Variants in FGF14 observed in about 807,000 individuals in gnomAD.
FGF14 encodes fibroblast growth factor homologous factor 4.
In FGF14, 5 loss-of-function variants were observed where a neutral mutation model predicts 25.5. The ratio of observed to expected loss-of-function variants is 0.20; its 90% CI spans 0.10 to 0.41. FGF14 has a LOEUF of 0.41. Among genes scored for constraint, FGF14 ranks in the 10% least tolerant of loss-of-function variants. The pLI, the probability that FGF14 is intolerant of heterozygous loss-of-function variation, is 1.00. For missense variants in FGF14, 222 were observed against 320.1 expected (o/e 0.69, Z 2.34); for synonymous variants, 138 against 118.3 (o/e 1.17, Z -1.08).
At chr13:101,992,577 A>G (rs1303585949) in intron 1 of FGF14, among the ~76,000 whole-genome samples, 1 of 152,174 alleles carries the variant, frequency 6.6e-6, no homozygotes, top group Admixed American at 6.6e-5. Flanking sequence ...TCGAATGAAA[A>G]AAAGTGAACA....
intron 3 of FGF14, among the ~76,000 whole-genome samples, chr13:101,789,228 A>G (rs1028316465): frequency 6.6e-6 from 1 of 151,994 alleles, no homozygotes; most frequent in East Asian, 1.9e-4. Context: ...TTCTTAAGAC[A>G]TCATTTTCCC....
At chr13:102,141,089 T>C (rs2046624010) in intron 1 of FGF14, among the ~76,000 whole-genome samples, 3 of 152,334 alleles carry the variant, frequency 2.0e-5, no homozygotes, top group Admixed American at 2.0e-4. Context: ...AAATATATTG[T>C]AGGGCTTCCT....
chr13:102,023,026 G>A (rs1886936), intron 1 of FGF14, among the ~76,000 whole-genome samples: 5,194 of 143,280 alleles, frequency 0.036, 295 homozygotes, highest in African/African-American at 0.12. Context: ...CTGTACAAAA[G>A]TAGTAAAATA....
intron 1 of FGF14, among the ~76,000 whole-genome samples, chr13:102,278,852 T>C (rs2053681398): frequency 6.6e-6 from 1 of 152,050 alleles, no homozygotes; most frequent in Non-Finnish European, 1.5e-5. Flanking sequence ...AATGATGAAG[T>C]ATAAACACAG....
chr13:102,269,789 G>A (rs985687423), intron 1 of FGF14, among the ~76,000 whole-genome samples: 4 of 152,082 alleles, frequency 2.6e-5, no homozygotes, highest in African/African-American at 9.7e-5. Context: ...GGGATTGCTT[G>A]AGCCTAGGAG....
chr13:101,736,962 T>C (rs1250846838), intron 3 of FGF14, among the ~76,000 whole-genome samples: 2 of 128,704 alleles, frequency 1.6e-5, no homozygotes, highest in African/African-American at 2.5e-5. Flanking sequence ...TTTTTTAAGA[T>C]TATTCAATTT....
intron 1 of FGF14, among the ~76,000 whole-genome samples, chr13:102,149,509 C>T (rs886092296): frequency 2.6e-5 from 4 of 152,190 alleles, no homozygotes; most frequent in Non-Finnish European, 5.9e-5. Flanking sequence ...AGCCCATCTC[C>T]GACCTGATAT....
intron 3 of FGF14, among the ~76,000 whole-genome samples, chr13:101,807,179 T>C (rs1306127359): frequency 6.6e-6 from 1 of 152,168 alleles, no homozygotes; most frequent in East Asian, 1.9e-4. Context: ...TAGCCACCAA[T>C]GCTGAGCATA....
In FGF14 at chr13:102,161,626, AAG is replaced by A. The variant is rs1280382019; in HGVS notation, c.208+239843_208+239844del. Among the ~76,000 whole-genome samples the A allele has an allele frequency of 1.8e-3, 19 of 10,852 alleles. 2 individuals carry two copies. Among genetic ancestry groups the A allele is most frequent in the Non-Finnish European group, 2.1e-3 (15 of 7,086 alleles). 7.1% of individuals were successfully genotyped at this position (10,852 alleles called of 152,430 possible). A position where few individuals can be genotyped will look rare whatever the true frequency, so the allele number is the denominator to read the frequency against. On this transcript the variant is annotated intron_variant, in intron 1 of 4. Coordinates refer to the FGF14 transcript ENST00000376131. ...GAAGAAGAAGAAGAAGAAGAAGAAG[AAG>A]AAGAAGAAGAAGAAGAAGAAGAAGA...
intron 1 of FGF14, among the ~76,000 whole-genome samples, chr13:102,163,766 G>T (rs1372439243): frequency 6.6e-6 from 1 of 151,974 alleles, no homozygotes; most frequent in African/African-American, 2.4e-5. Context: ...AGGAGTTTAG[G>T]CATTTCATAC....
At chr13:101,918,926 C>T (rs879696441), upstream of FGF14, among the ~76,000 whole-genome samples, 1 of 152,100 alleles carries the variant, frequency 6.6e-6, no homozygotes, top group Non-Finnish European at 1.5e-5. Context: ...AGTTGTTTTG[C>T]TAGAAACTTG....
intron 1 of FGF14, chr13:102,367,766 AG>A (rs1201472252): frequency 6.6e-6 from 1 of 151,814 alleles, no homozygotes; most frequent in Non-Finnish European, 1.5e-5. Flanking sequence ...TCTGAACTTC[AG>A]TCTTCTCATT....
chr13:102,178,130 C>T (rs1333871112), intron 1 of FGF14, among the ~76,000 whole-genome samples: 1 of 152,100 alleles, frequency 6.6e-6, no homozygotes, highest in Non-Finnish European at 1.5e-5. Flanking sequence ...CCCTGCCCCA[C>T]TTCAGCAGCT....
intron 1 of FGF14, among the ~76,000 whole-genome samples, chr13:102,372,663 G>GTT (rs374661515): frequency 1.0e-4 from 15 of 148,902 alleles, no homozygotes; most frequent in African/African-American, 3.4e-4. Flanking sequence ...TCTCAGAATA[G>GTT]TTTTTTTTTT....
At chr13:101,852,209 C>T (rs988620329) in intron 3 of FGF14, among the ~76,000 whole-genome samples, 11 of 151,942 alleles carry the variant, frequency 7.2e-5, no homozygotes, top group Non-Finnish European at 1.6e-4. Context: ...TGCCAGCCAC[C>T]GAAACACATG....
chr13:102,134,682 G>C (rs984964950), intron 1 of FGF14, among the ~76,000 whole-genome samples: 2 of 152,122 alleles, frequency 1.3e-5, no homozygotes, highest in Non-Finnish European at 2.9e-5. Context: ...ACAATATAAT[G>C]ACCAGCGTGT....
At chr13:102,036,648 C>A (rs2041488022) in intron 1 of FGF14, among the ~76,000 whole-genome samples, 1 of 151,434 alleles carries the variant, frequency 6.6e-6, no homozygotes, top group Non-Finnish European at 1.5e-5. Flanking sequence ...AAGTTTGGAT[C>A]AAAGAGGAAA....
At chr13:102,059,157 G>C (rs1322549448) in intron 1 of FGF14, among the ~76,000 whole-genome samples, 1 of 152,130 alleles carries the variant, frequency 6.6e-6, no homozygotes, top group East Asian at 1.9e-4. Flanking sequence ...GAATGAGATT[G>C]AAGAAGGAAA....
chr13:102,078,912 G>A (rs527396486), intron 1 of FGF14, among the ~76,000 whole-genome samples: 12 of 152,308 alleles, frequency 7.9e-5, no homozygotes, highest in African/African-American at 1.2e-4. Context: ...TCTGAGAAAC[G>A]TGGTGGCTAG....
Sources: gnomAD v4.1 joint callset for allele counts (sites outside exome capture counted in the v4.1 genomes callset) on GRCh38, gnomAD v4.1.1 for gene constraint, MANE v1.5 for transcripts, NCBI Gene and HGNC (gene_info 2026-07-23, HGNC 2026-07-21) for gene names.